CAST: variants seen among roughly 807,000 people sequenced by gnomAD.
CAST encodes MIR583 host.
In CAST, 76 loss-of-function variants were observed where a neutral mutation model predicts 119.6. The ratio of observed to expected loss-of-function variants is 0.64; its 90% confidence interval spans 0.53 to 0.77. The LOEUF is 0.77. CAST is among the 30% of genes least tolerant of loss of function. CAST has a pLI of 0.00. For synonymous variants in CAST, 319 were observed against 331.6 expected (o/e 0.96, Z 0.41); for missense variants, 953 against 946.5 (o/e 1.01, Z -0.09).
chr5:96,345,806 A>T, the CAST span, among the ~76,000 whole-genome samples: 1 of 152,158 alleles, frequency 6.6e-6, no homozygotes, highest in Non-Finnish European at 1.5e-5. Context: ...TCCTTGTCAT[A>T]TCTCCATAGG....
intron 1 of CAST, among the ~76,000 whole-genome samples, chr5:96,633,960 C>T (rs1268784871): frequency 1.3e-5 from 2 of 152,212 alleles, no homozygotes; most frequent in African/African-American, 4.8e-5. Flanking sequence ...ATTAGAACAA[C>T]TCATGACTCA....
the CAST span, among the ~76,000 whole-genome samples, chr5:96,314,372 C>A: frequency 6.6e-6 from 1 of 152,116 alleles, no homozygotes; most frequent in Non-Finnish European, 1.5e-5. Flanking sequence ...TGATCACTTG[C>A]TTTTGTTAGG....
intron 3 of CAST, among the ~76,000 whole-genome samples, chr5:96,698,587 T>C (rs79500624): frequency 0.014 from 2,201 of 152,334 alleles, 54 homozygotes; most frequent in African/African-American, 0.05. Context: ...CTTCTTTTGA[T>C]GCCAGATTGG....
chr5:96,291,062 G>A, the CAST span, among the ~76,000 whole-genome samples: 1 of 152,312 alleles, frequency 6.6e-6, no homozygotes, highest in African/African-American at 2.4e-5. Context: ...TCCACCAACA[G>A]ACAAGGTGAA....
chr5:96,758,497 G>A (rs576310212), intron 24 of CAST, among the ~76,000 whole-genome samples: 3 of 152,182 alleles, frequency 2.0e-5, no homozygotes, highest in Non-Finnish European at 4.4e-5. Context: ...TGTTTACTGG[G>A]AACTCAGTTT....
the CAST span, among the ~76,000 whole-genome samples, chr5:96,516,573 G>A: frequency 5.9e-5 from 9 of 152,014 alleles, no homozygotes; most frequent in South Asian, 6.2e-4. Context: ...AGGATGATGT[G>A]CCCTAAATGA....
At chr5:96,114,661 A>G in the CAST span, among the ~76,000 whole-genome samples, 1 of 152,176 alleles carries the variant, frequency 6.6e-6, no homozygotes, top group Non-Finnish European at 1.5e-5. Flanking sequence ...ATGAAGGAAG[A>G]CTATGCTTAC....
chr5:96,749,480 T>A (rs114653692), intron 19 of CAST, among the ~76,000 whole-genome samples: 80 of 152,360 alleles, frequency 5.3e-4, no homozygotes, highest in African/African-American at 1.9e-3. Context: ...TAGGATAGGC[T>A]TCCATAAAAG....
intron 2 of CAST, among the ~76,000 whole-genome samples, chr5:96,680,287 G>A (rs769803419): frequency 1.3e-5 from 2 of 148,320 alleles, no homozygotes; most frequent in Non-Finnish European, 3.0e-5. Flanking sequence ...CCTGGGAGGC[G>A]GAGGTTGCAG....
chr5:96,234,947 A>T, the CAST span, among the ~76,000 whole-genome samples: 8 of 152,238 alleles, frequency 5.3e-5, no homozygotes, highest in Non-Finnish European at 1.2e-4. Context: ...AATGATTATC[A>T]TAATGAAGAT....
the CAST span, among the ~76,000 whole-genome samples, chr5:96,110,602 A>G: frequency 6.6e-6 from 1 of 152,190 alleles, no homozygotes; most frequent in Non-Finnish European, 1.5e-5. Flanking sequence ...GCTGAGGTAC[A>G]AGGAATCAGG....
chr5:96,181,578 C>T, the CAST span, among the ~76,000 whole-genome samples: 11 of 152,230 alleles, frequency 7.2e-5, no homozygotes, highest in Admixed American at 4.6e-4. Flanking sequence ...AGGAGACAAC[C>T]GAGGTGCAGA....
the CAST span, among the ~76,000 whole-genome samples, chr5:96,198,625 T>G: frequency 6.6e-6 from 1 of 152,182 alleles, no homozygotes; most frequent in Non-Finnish European, 1.5e-5. Context: ...TGAATTTTCT[T>G]TATATGATTT....
At chr5:96,389,856 G>A in the CAST span, among the ~76,000 whole-genome samples, 1 of 152,054 alleles carries the variant, frequency 6.6e-6, no homozygotes, top group African/African-American at 2.4e-5. Context: ...GATCGTTTGA[G>A]CCTGGGATGT....
the CAST span, chr5:95,961,894 C>T: frequency 1.2e-6 from 1 of 810,844 alleles, no homozygotes; most frequent in Non-Finnish European, 1.8e-6. Context: ...CCACCCGCCC[C>T]ACCCTCCGGC....
At chr5:96,649,328 A>G (rs946766779) in intron 1 of CAST, among the ~76,000 whole-genome samples, 9 of 152,172 alleles carry the variant, frequency 5.9e-5, no homozygotes, top group African/African-American at 1.9e-4. Flanking sequence ...TGTTCCTGGC[A>G]TCTGTCTGAC....
At chr5:96,120,286 G>A in the CAST span, among the ~76,000 whole-genome samples, 1 of 152,098 alleles carries the variant, frequency 6.6e-6, no homozygotes, top group Non-Finnish European at 1.5e-5. Flanking sequence ...ATGGGCATGT[G>A]ACCTAAGCTT....
Position 96,737,928 on chromosome 5 carries a change from A to G in CAST, c.779A>G (p.Tyr260Cys). Residue 260 changes from tyrosine (Y) to cysteine (C), a missense_variant, in exon 11 of 32, where the codon TAT becomes TGT. Tyr to Cys is a radical substitution (Grantham distance 194, BLOSUM62 -2). Coordinates refer to ENST00000675179, the MANE Select transcript of CAST (RefSeq NM_001750.7). ...GAAACTGAAGAAGAAAATACAACGT[A>G]TACTGGACCAGAAGTTTCAGTATGT... ...PEETEEENTT[Y>C]TGPEVSDPMS... 1 of 1,592,398 alleles carries G rather than the reference A, an allele frequency of 6.3e-7. No homozygotes were observed. Among genetic ancestry groups the G allele is most frequent in the South Asian group, 1.1e-5 (1 of 90,470 alleles).
At chr5:96,322,739 C>T in the CAST span, among the ~76,000 whole-genome samples, 2 of 152,194 alleles carry the variant, frequency 1.3e-5, no homozygotes, top group Admixed American at 6.5e-5. Context: ...GTTTTCCTGC[C>T]GCAGCTTCTG....
Sources: gnomAD v4.1 joint callset for allele counts (sites outside exome capture counted in the v4.1 genomes callset) on GRCh38, gnomAD v4.1.1 for gene constraint, MANE v1.5 for transcripts, NCBI Gene and HGNC (gene_info 2026-07-23, HGNC 2026-07-21) for gene names.